DNAH11: variants seen among roughly 807,000 people sequenced by gnomAD.
The protein encoded by DNAH11 is dynein axonemal heavy chain 11.
Under a neutral mutation model 526.0 loss-of-function variants are expected in DNAH11, and 442 were observed. The observed-to-expected ratio is 0.84, with a 90% CI of 0.78 to 0.91. The LOEUF (loss-of-function observed/expected upper bound fraction) is 0.91, where lower values mean the gene tolerates loss of function less well. Among genes scored for constraint, DNAH11 ranks in the 40% least tolerant of loss-of-function variants. The pLI is 0.00. For missense variants in DNAH11, 6,989 were observed against 5,448.7 expected (o/e 1.28, Z -8.90); for synonymous variants, 2,461 against 1,935.9 (o/e 1.27, Z -7.12).
intron 61 of DNAH11, among the ~76,000 whole-genome samples, chr7:21,791,044 A>G (rs895101564): frequency 6.6e-6 from 1 of 152,232 alleles, no homozygotes; most frequent in Non-Finnish European, 1.5e-5. Context: ...AGGCAGGAGC[A>G]GTCATGATGG....
At chr7:21,548,728 T>C (rs940533135) in intron 2 of DNAH11, among the ~76,000 whole-genome samples, 1 of 152,122 alleles carries the variant, frequency 6.6e-6, no homozygotes, top group African/African-American at 2.4e-5. Flanking sequence ...ACTCGTGATG[T>C]TTAGGAAGTG....
chr7:21,589,869 G>C (rs1784613044), intron 12 of DNAH11, among the ~76,000 whole-genome samples: 1 of 152,168 alleles, frequency 6.6e-6, no homozygotes, highest in African/African-American at 2.4e-5. Flanking sequence ...CAGAATGAAA[G>C]ACACGTCACG....
intron 74 of DNAH11, among the ~76,000 whole-genome samples, chr7:21,879,019 A>T (rs1028858087): frequency 2.0e-5 from 3 of 152,212 alleles, no homozygotes; most frequent in Non-Finnish European, 1.5e-5. Context: ...AGAACTGCCA[A>T]ATCTGAACAT....
chr7:21,890,920 T>TA (rs1408303780), intron 76 of DNAH11, among the ~76,000 whole-genome samples: 1 of 151,876 alleles, frequency 6.6e-6, no homozygotes, highest in Non-Finnish European at 1.5e-5. Context: ...CGGTACAAAA[T>TA]AAAAATAAAA....
intron 30 of DNAH11, among the ~76,000 whole-genome samples, chr7:21,676,617 A>G (rs1290197622): frequency 2.6e-5 from 4 of 152,224 alleles, no homozygotes; most frequent in Admixed American, 2.6e-4. Context: ...ATCATCTTCC[A>G]TTTGACTGCA....
At chr7:21,750,131 T>C (rs966811506) in intron 53 of DNAH11, 91 bp from the exon 54 acceptor site, 2 of 1,421,282 alleles carry the variant, frequency 1.4e-6, no homozygotes, top group Non-Finnish European at 1.9e-6. Flanking sequence ...TGCTGAACTT[T>C]GTCTTGTAAA....
chr7:21,696,485 G>C (rs1783858289), intron 35 of DNAH11, among the ~76,000 whole-genome samples: 1 of 152,222 alleles, frequency 6.6e-6, no homozygotes, highest in Admixed American at 6.5e-5. Context: ...ATTCTAGATA[G>C]AGAATAACCA....
At chr7:21,740,438 G>A (rs188455039) in intron 48 of DNAH11, among the ~76,000 whole-genome samples, 1 of 152,144 alleles carries the variant, frequency 6.6e-6, no homozygotes, top group African/African-American at 2.4e-5. Context: ...CTATGATTTT[G>A]ACTATTTTAA....
chr7:21,726,987 G>GC (rs1340647835), intron 45 of DNAH11, among the ~76,000 whole-genome samples: 3 of 101,470 alleles, frequency 3.0e-5, no homozygotes, highest in Non-Finnish European at 5.3e-5. Flanking sequence ...AGGCTGGAGT[G>GC]CAGTGGCGCG....
At chr7:21,565,259 C>T (rs983180247) in intron 6 of DNAH11, among the ~76,000 whole-genome samples, 8 of 142,000 alleles carry the variant, frequency 5.6e-5, no homozygotes, top group African/African-American at 1.6e-4. Context: ...ACTTGGCCAT[C>T]TTCCTCTTGT....
At chr7:21,729,713 TCA>T (rs753763729) in intron 45 of DNAH11, among the ~76,000 whole-genome samples, 98,582 of 151,748 alleles carry the variant, frequency 0.65, 32,458 homozygotes, top group South Asian at 0.73. Flanking sequence ...CACTGAGGTC[TCA>T]CCAGAACCAT....
chr7:21,589,185 G>A (rs1784586562), intron 11 of DNAH11, 23 bp from the exon 12 acceptor site: 1 of 1,570,238 alleles, frequency 6.4e-7, no homozygotes, highest in Non-Finnish European at 8.6e-7. Context: ...GTATAAACCA[G>A]TAGAAAAACC....
chr7:21,548,001 C>G (rs1234420934), intron 2 of DNAH11, among the ~76,000 whole-genome samples: 1 of 152,178 alleles, frequency 6.6e-6, no homozygotes, highest in Non-Finnish European at 1.5e-5. Flanking sequence ...AATACGACAT[C>G]CCATTGCTGT....
intron 73 of DNAH11, among the ~76,000 whole-genome samples, chr7:21,870,374 T>A (rs1783450998): frequency 6.6e-6 from 1 of 152,160 alleles, no homozygotes; most frequent in Non-Finnish European, 1.5e-5. Flanking sequence ...GAATGTAACC[T>A]TCTGGGATGA....
At chr7:21,896,751 A>G (rs1196126781) in intron 79 of DNAH11, among the ~76,000 whole-genome samples, 1 of 152,000 alleles carries the variant, frequency 6.6e-6, no homozygotes, top group African/African-American at 2.4e-5. Flanking sequence ...ACTGTCTCCA[A>G]TCTGTTTCTT....
At chr7:21,690,346 A>C (rs1783561907) in intron 34 of DNAH11, among the ~76,000 whole-genome samples, 1 of 151,910 alleles carries the variant, frequency 6.6e-6, no homozygotes, top group Non-Finnish European at 1.5e-5. Context: ...TTGAAGAAAT[A>C]GACAAAACTT....
At chr7:21,850,608 C>CTTTTTTTT (rs3062635) in intron 66 of DNAH11, among the ~76,000 whole-genome samples, 48 of 62,650 alleles carry the variant, frequency 7.7e-4, no homozygotes, top group Admixed American at 1.0e-3. Context: ...CTGTCTTCTT[C>CTTTTTTTT]TTTTTTTTTT....
intron 54 of DNAH11, among the ~76,000 whole-genome samples, chr7:21,752,565 T>C (rs1357651223): frequency 6.6e-6 from 1 of 152,242 alleles, no homozygotes; most frequent in Non-Finnish European, 1.5e-5. Flanking sequence ...GGCACATGTT[T>C]GTTTATAGGT....
At chr7:21,804,969 C>T (rs1479203494) in intron 62 of DNAH11, among the ~76,000 whole-genome samples, 1 of 152,208 alleles carries the variant, frequency 6.6e-6, no homozygotes, top group Non-Finnish European at 1.5e-5. Context: ...TTCTCTCTTG[C>T]CCCATCTTCA....
Sources: gnomAD v4.1 joint callset for allele counts (sites outside exome capture counted in the v4.1 genomes callset) on GRCh38, gnomAD v4.1.1 for gene constraint, MANE v1.5 for transcripts, NCBI Gene and HGNC (gene_info 2026-07-23, HGNC 2026-07-21) for gene names.